Variants in ADGRB3 observed in about 807,000 individuals in gnomAD.
The protein encoded by ADGRB3 is adhesion G protein-coupled receptor B3.
A neutral mutation model predicts 193.4 loss-of-function variants in ADGRB3; 37 were observed. The ratio of observed to expected loss-of-function variants is 0.19; its 90% CI spans 0.15 to 0.25. The LOEUF (loss-of-function observed/expected upper bound fraction) is 0.25, where lower values mean the gene tolerates loss of function less well. Ranked by LOEUF, ADGRB3 falls within the 10% of genes least tolerant of loss-of-function variation. ADGRB3 has a pLI of 1.00. For missense variants in ADGRB3, 1,637 were observed against 1,852.9 expected, an observed-to-expected ratio of 0.88 and a Z score of 2.14; for synonymous variants, 690 against 644.2, an observed-to-expected ratio of 1.07 and a Z score of -1.08.
intron 24 of ADGRB3, among the ~76,000 whole-genome samples, chr6:69,337,763 A>G (rs778781777): frequency 6.6e-6 from 1 of 152,150 alleles, no homozygotes; most frequent in Non-Finnish European, 1.5e-5. Flanking sequence ...TTATTATCTC[A>G]TATCAGCACT....
chr6:69,058,472 T>C (rs1014032854), intron 15 of ADGRB3, among the ~76,000 whole-genome samples: 1 of 152,090 alleles, frequency 6.6e-6, no homozygotes, highest in Admixed American at 6.6e-5. Flanking sequence ...TATTATTATC[T>C]TTCTTCATTA....
At chr6:68,969,373 A>G (rs1231541983) in intron 8 of ADGRB3, among the ~76,000 whole-genome samples, 1 of 152,176 alleles carries the variant, frequency 6.6e-6, no homozygotes, top group African/African-American at 2.4e-5. Flanking sequence ...CAGATCAAAA[A>G]TATTCAGGAA....
rs1562023448 is a variant in ADGRB3, at chr6:68,772,912, TATATATATATATATATATATACATAC to T, written c.757+133482_757+133507del. ...AAAAAAAAATATATATATATATATATATATATATATATATATATATACATACACACACAAAAATAAAAAATAAAAAT... is the reference window on the plus strand; with the variant it reads ...AAAAAAAAATATATATATATATATATACACACAAAAATAAAAAATAAAAAT... On this transcript the variant is annotated intron_variant, in intron 3 of 31. Coordinates refer to ENST00000370598, the MANE Select transcript of ADGRB3 (RefSeq NM_001704.3). Among the ~76,000 whole-genome samples, 443 of 52,138 alleles carry T rather than the reference TATATATATATATATATATATACATAC, an allele frequency of 8.5e-3. 15 individuals are homozygous for T. Among genetic ancestry groups the T allele is most frequent in the African/African-American group, 0.043 (417 of 9,714 alleles). The allele number at this position is 52,138 out of a possible 152,430, so 34.2% of individuals were successfully genotyped here.
At chr6:69,014,139 G>T in intron 12 of ADGRB3, 33 bp downstream of exon 12, 1 of 1,483,070 alleles carries the variant, frequency 6.7e-7, no homozygotes, top group South Asian at 1.3e-5. Flanking sequence ...ACTTGAAGTT[G>T]GCAAAACAAA....
intron 5 of ADGRB3, among the ~76,000 whole-genome samples, chr6:68,938,612 C>G (rs62418264): frequency 6.6e-6 from 1 of 151,634 alleles, no homozygotes; most frequent in Non-Finnish European, 1.5e-5. Flanking sequence ...AGTCACCATG[C>G]GGTATAATAG....
At chr6:68,949,584 A>G (rs1412501200) in intron 6 of ADGRB3, among the ~76,000 whole-genome samples, 3 of 152,160 alleles carry the variant, frequency 2.0e-5, no homozygotes, top group Non-Finnish European at 2.9e-5. Context: ...GTGAATGGAA[A>G]GATTCTCAAC....
intron 4 of ADGRB3, among the ~76,000 whole-genome samples, chr6:68,936,077 G>A (rs1184255684): frequency 6.6e-6 from 1 of 152,108 alleles, no homozygotes; most frequent in Non-Finnish European, 1.5e-5. Flanking sequence ...TCTAGCATTA[G>A]AAAGGGTGTT....
intron 17 of ADGRB3, among the ~76,000 whole-genome samples, chr6:69,136,236 GA>G (rs1774146060): frequency 6.6e-6 from 1 of 151,968 alleles, no homozygotes; most frequent in African/African-American, 2.4e-5. Context: ...TAGAACTTAA[GA>G]AATGTCATCC....
At chr6:68,703,453 T>C (rs1372816433) in intron 3 of ADGRB3, among the ~76,000 whole-genome samples, 15 of 152,106 alleles carry the variant, frequency 9.9e-5, no homozygotes, top group Non-Finnish European at 2.2e-4. Context: ...ATATATATGT[T>C]TCTATAATTT....
intron 10 of ADGRB3, among the ~76,000 whole-genome samples, chr6:68,978,551 A>G (rs1768817214): frequency 6.6e-6 from 1 of 151,556 alleles, no homozygotes; most frequent in South Asian, 2.1e-4. Flanking sequence ...AATAATGCTT[A>G]TGTCACACAT....
Position 69,361,418 on chromosome 6 carries a change from C to T in ADGRB3, c.4145C>T (p.Thr1382Ile), listed in dbSNP as rs373346448. Residue 1382 changes from threonine (T) to isoleucine (I), a missense_variant, in exon 29 of 32, where the codon ACA (threonine) becomes ATA (isoleucine). Around this residue, in one of 7 missense-constraint regions of ADGRB3, gnomAD observed 368 missense variants for 367.4 expected, o/e 1.00. Transcript: ENST00000370598. ...CAGAATTTGCCCTTTGAACCTCGCACAGCTGTGAAGAATTTCATGGCCTCT... is the reference window on the plus strand; with the variant it reads ...CAGAATTTGCCCTTTGAACCTCGCATAGCTGTGAAGAATTTCATGGCCTCT... ...HMQNLPFEPR[T>I]AVKNFMASEL... The T allele has an allele frequency of 1.2e-6, 2 of 1,612,966 alleles. No individual in the cohort carries two copies. The highest frequency in any genetic ancestry group is 1.7e-6 in the Non-Finnish European group (2 of 1,179,218).
intron 3 of ADGRB3, among the ~76,000 whole-genome samples, chr6:68,667,858 A>G (rs1431947404): frequency 6.6e-6 from 1 of 151,870 alleles, no homozygotes; most frequent in African/African-American, 2.4e-5. Context: ...TGTTCTGGAA[A>G]ATAAGAGACC....
chr6:68,983,707 A>G (rs1041850200), intron 10 of ADGRB3, among the ~76,000 whole-genome samples: 2 of 152,068 alleles, frequency 1.3e-5, no homozygotes, highest in African/African-American at 4.8e-5. Flanking sequence ...CACACAATAA[A>G]TTCAATGTAA....
intron 2 of ADGRB3, among the ~76,000 whole-genome samples, 180 bp downstream of exon 2, chr6:68,637,742 T>C (rs957866343): frequency 6.6e-6 from 1 of 152,074 alleles, no homozygotes; most frequent in Non-Finnish European, 1.5e-5. Context: ...AAATTACAGT[T>C]GATAAGATAA....
chr6:69,340,201 T>C (rs545848456), intron 26 of ADGRB3, among the ~76,000 whole-genome samples: 3 of 152,342 alleles, frequency 2.0e-5, no homozygotes, highest in Admixed American at 2.0e-4. Context: ...ATAAGTCATA[T>C]TTCATGAATG....
At chr6:68,737,166 C>T (rs977577495) in intron 3 of ADGRB3, among the ~76,000 whole-genome samples, 1 of 152,012 alleles carries the variant, frequency 6.6e-6, no homozygotes, top group Non-Finnish European at 1.5e-5. Context: ...ATTATTATTG[C>T]TCATCAGTGG....
At chr6:69,315,326 G>C (rs1472594885) in intron 20 of ADGRB3, among the ~76,000 whole-genome samples, 1 of 151,350 alleles carries the variant, frequency 6.6e-6, no homozygotes, top group Non-Finnish European at 1.5e-5. Flanking sequence ...CTACAGCATT[G>C]CTTCAAAATT....
At chr6:68,897,404 G>C (rs1766248658) in intron 3 of ADGRB3, among the ~76,000 whole-genome samples, 1 of 134,764 alleles carries the variant, frequency 7.4e-6, no homozygotes, top group Admixed American at 7.9e-5. Flanking sequence ...GAAAGAGAGA[G>C]AGAGGGAGGG....
intron 20 of ADGRB3, among the ~76,000 whole-genome samples, chr6:69,301,992 T>C (rs2127296927): frequency 6.6e-6 from 1 of 152,002 alleles, no homozygotes; most frequent in African/African-American, 2.4e-5. Flanking sequence ...TTTGATGCTT[T>C]TAGAAAGAGA....
Sources: gnomAD v4.1 joint callset for allele counts (sites outside exome capture counted in the v4.1 genomes callset) on GRCh38, gnomAD v4.1.1 for gene constraint, gnomAD v4.1.1 regional missense constraint, MANE v1.5 for transcripts, NCBI Gene and HGNC (gene_info 2026-07-23, HGNC 2026-07-21) for gene names.